SPATC1L: variants seen among roughly 807,000 people sequenced by gnomAD.
SPATC1L encodes the protein spermatogenesis and centriole associated 1 like.
A neutral mutation model predicts 21.2 loss-of-function variants in SPATC1L; 20 were observed. The ratio of observed to expected loss-of-function variants is 0.94; its 90% CI spans 0.66 to 1.37. The LOEUF (loss-of-function observed/expected upper bound fraction) is 1.37, where lower values mean the gene tolerates loss of function less well. Among genes scored for constraint, SPATC1L ranks in the 40% most tolerant of loss-of-function variants. The pLI is 0.00. For missense variants in SPATC1L, 499 were observed against 478.7 expected (o/e 1.04, Z -0.40); for synonymous variants, 290 against 234.5 (o/e 1.24, Z -2.16).
At chr21:46,182,132 G>A (rs73908570) in intron 2 of SPATC1L, among the ~76,000 whole-genome samples, 1 of 152,180 alleles carries the variant, frequency 6.6e-6, no homozygotes, top group Non-Finnish European at 1.5e-5. Context: ...CCTCCCCAGG[G>A]TGGGACCTTC....
At chr21:46,180,127 C>T (rs1042654791) in intron 2 of SPATC1L, among the ~76,000 whole-genome samples, 7 of 152,380 alleles carry the variant, frequency 4.6e-5, no homozygotes, top group African/African-American at 1.7e-4. Flanking sequence ...ACGGCGGCGG[C>T]GTCCACGGTC....
At chr21:46,168,120 T>A (rs969252678) in intron 3 of SPATC1L, among the ~76,000 whole-genome samples, 188 bp downstream of exon 3, 2 of 152,150 alleles carry the variant, frequency 1.3e-5, no homozygotes. Flanking sequence ...ACCCATTTTA[T>A]CTTTAAAGAT....
intron 3 of SPATC1L, among the ~76,000 whole-genome samples, chr21:46,163,709 A>T (rs529714944): frequency 6.6e-6 from 1 of 152,312 alleles, no homozygotes; most frequent in Non-Finnish European, 1.5e-5. Flanking sequence ...GTCCATCGTT[A>T]TGGCAGTACC....
Position 46,163,320 on chromosome 21 carries a change from A to G in SPATC1L, c.545-1253T>C, listed in dbSNP as rs34451747. ...TTGATACTGTCCTTTGAAGCACAAA[A>G]GTTTGTTTTTTTGTTTTGTTTTACT... On this transcript the variant is annotated intron_variant, in intron 3 of 4. Transcript: ENST00000291672. Among the ~76,000 whole-genome samples, 58 of 152,252 alleles carry G rather than the reference A, an allele frequency of 3.8e-4. 1 individual carries two copies. The East Asian group carries it at 0.011, about 29-fold the overall frequency.
chr21:46,182,583 C>T (rs1372699247), intron 2 of SPATC1L, 41 bp downstream of exon 2: 2 of 1,425,228 alleles, frequency 1.4e-6, no homozygotes. Flanking sequence ...GTCCCGCGAC[C>T]CCCTCATCTA....
intron 3 of SPATC1L, among the ~76,000 whole-genome samples, chr21:46,165,637 G>A (rs149217668): frequency 0.036 from 5,237 of 146,700 alleles, 273 homozygotes; most frequent in African/African-American, 0.13. Flanking sequence ...ACATGAGTAT[G>A]AGGAGTCCTT....
intron 2 of SPATC1L, among the ~76,000 whole-genome samples, chr21:46,176,330 A>G (rs141144200): frequency 6.6e-6 from 1 of 152,326 alleles, no homozygotes; most frequent in East Asian, 1.9e-4. Flanking sequence ...ATAGAAAGAG[A>G]GGAAATCAAA....
chr21:46,161,978 A>C lies in SPATC1L; in HGVS notation c.634T>G (p.Phe212Val). The change falls in exon 4 of 5, where the codon TTC (phenylalanine) becomes GTC (valine). Residue 212 changes from phenylalanine to valine, a missense_variant. By Grantham distance (50) the Phe-to-Val change is conservative. Coordinates refer to ENST00000291672, the MANE Select transcript of SPATC1L (RefSeq NM_001142854.2). ...CCGTAGAGCCGCGTCACGCCCGGGAACACGTAGGCCAGGATGCGGCGGTCC... is the reference window on the plus strand; with the variant it reads ...CCGTAGAGCCGCGTCACGCCCGGGACCACGTAGGCCAGGATGCGGCGGTCC... ...QLDRRILAYV[F>V]PGVTRLYGFT... 4 of 1,607,702 alleles carry C rather than the reference A, an allele frequency of 2.5e-6. No individual in the cohort carries two copies. The South Asian group carries it at 4.4e-5, about 18-fold the overall frequency.
At chr21:46,170,507 G>C (rs201292724) in intron 2 of SPATC1L, among the ~76,000 whole-genome samples, 2,516 of 58,548 alleles carry the variant, frequency 0.043, 2 homozygotes, top group East Asian at 0.2. Flanking sequence ...ATCCTCTGTG[G>C]TCCAGGAGGA....
chr21:46,176,281 A>G (rs1277805940), intron 2 of SPATC1L, among the ~76,000 whole-genome samples: 1 of 152,228 alleles, frequency 6.6e-6, no homozygotes, highest in African/African-American at 2.4e-5. Flanking sequence ...AGTCTTGATC[A>G]GAGCAATCAG....
At chr21:46,166,540 C>T (rs188381465) in intron 3 of SPATC1L, among the ~76,000 whole-genome samples, 6 of 151,548 alleles carry the variant, frequency 4.0e-5, no homozygotes, top group Admixed American at 2.0e-4. Flanking sequence ...AAGAAACACA[C>T]GTCGCCTATA....
rs541575372 is a variant in SPATC1L, at chr21:46,172,443, C to T, written c.194-3785G>A. Among the ~76,000 whole-genome samples, 176 of 152,324 alleles carry T rather than the reference C, an allele frequency of 1.2e-3. 1 individual carries two copies. Among genetic ancestry groups the T allele is most frequent in the Middle Eastern group, 3.4e-3 (1 of 294 alleles). ...GCTCACAAACACCGAACAAGATGAG[C>T]CATTTCTCAAATTTTCTGTTTTCCA... On this transcript the variant is annotated intron_variant, in intron 2 of 4. Coordinates refer to ENST00000291672, the MANE Select transcript of SPATC1L (RefSeq NM_001142854.2).
chr21:46,166,230 G>A (rs1177509691), intron 3 of SPATC1L, among the ~76,000 whole-genome samples: 4 of 152,080 alleles, frequency 2.6e-5, no homozygotes, highest in Non-Finnish European at 5.9e-5. Flanking sequence ...GCTGGGCGTG[G>A]TGGCACGCAC....
chr21:46,174,336 AAAC>A (rs1488724853), intron 2 of SPATC1L, among the ~76,000 whole-genome samples: 1,336 of 85,422 alleles, frequency 0.016, 52 homozygotes, highest in African/African-American at 0.059. Flanking sequence ...CTGTCTCAAA[AAAC>A]AAAACAAAAA....
chr21:46,162,198 G>A (rs2079504506), intron 3 of SPATC1L, 131 bp from the exon 4 acceptor site: 1 of 1,051,096 alleles, frequency 9.5e-7, no homozygotes, highest in Non-Finnish European at 1.3e-6. Flanking sequence ...CCCACTGTCT[G>A]GCAAATAGAA....
At chr21:46,167,581 G>A (rs553972628) in intron 3 of SPATC1L, among the ~76,000 whole-genome samples, 5 of 152,220 alleles carry the variant, frequency 3.3e-5, no homozygotes, top group Admixed American at 6.5e-5. Context: ...TTGGGAGGCC[G>A]AGGCAGGCGA....
chr21:46,178,170 T>G (rs1366752367), intron 2 of SPATC1L, among the ~76,000 whole-genome samples: 2 of 140,090 alleles, frequency 1.4e-5, no homozygotes, highest in African/African-American at 5.4e-5. Context: ...AAGCGGAGGT[T>G]GCAGCGAGCC....
rs749029733 is a variant in SPATC1L, at chr21:46,161,491, C to A, written c.911G>T (p.Arg304Leu). The change falls in exon 5 of 5, where the codon CGC becomes CTC. Residue 304 changes from arginine (R) to leucine (L), a missense_variant. Physicochemically the swap from Arg to Leu is moderately radical, Grantham distance 102. Coordinates refer to ENST00000291672, the MANE Select transcript of SPATC1L (RefSeq NM_001142854.2). ...NPLHSSPAALRKLVIDVVPPK... is the reference protein window; with the variant it reads ...NPLHSSPAALLKLVIDVVPPK... ...GGGCACCACGTCGATGACCAGCTTG[C>A]GCAGCGCGGCCGGGCTGCTGTGCAG... The A allele has an allele frequency of 1.2e-6, 2 of 1,605,590 alleles. No individual in the cohort carries two copies. Among genetic ancestry groups the A allele is most frequent in the Non-Finnish European group, 1.7e-6 (2 of 1,175,786 alleles).
chr21:46,172,051 G>C (rs1294906105), intron 2 of SPATC1L, among the ~76,000 whole-genome samples: 1 of 151,832 alleles, frequency 6.6e-6, no homozygotes, highest in Non-Finnish European at 1.5e-5. Context: ...CACAGAGCAT[G>C]AGGCAGGAGT....
Sources: allele counts gnomAD v4.1 joint callset (sites outside exome capture counted in the v4.1 genomes callset), GRCh38; gene constraint gnomAD v4.1.1; transcripts MANE v1.5; gene names NCBI Gene and HGNC (gene_info 2026-07-23, HGNC 2026-07-21).